Variants in MARCHF1 observed in about 807,000 individuals in gnomAD.
MARCHF1 encodes E3 ubiquitin-protein ligase MARCHF1.
A neutral mutation model predicts 54.2 loss-of-function variants in MARCHF1; 40 were observed. The observed-to-expected ratio is 0.74, with a 90% CI of 0.57 to 0.96. The LOEUF (loss-of-function observed/expected upper bound fraction) is 0.96. MARCHF1 is among the 40% of genes least tolerant of loss of function. MARCHF1 has a pLI of 0.00. For missense variants in MARCHF1, 586 were observed against 656.5 expected, an observed-to-expected ratio of 0.89 and a Z score of 1.17; for synonymous variants, 236 against 236.3, an observed-to-expected ratio of 1.00 and a Z score of 0.01.
chr4:164,214,686 C>T (rs1429600819), intron 1 of MARCHF1, among the ~76,000 whole-genome samples: 2 of 152,140 alleles, frequency 1.3e-5, no homozygotes, highest in Admixed American at 6.5e-5. Flanking sequence ...GGTCAAGGGT[C>T]TTTGGTAAGC....
chr4:163,532,903 A>G (rs146143571), intron 9 of MARCHF1, among the ~76,000 whole-genome samples: 115 of 152,116 alleles, frequency 7.6e-4, no homozygotes, highest in African/African-American at 2.5e-3. Flanking sequence ...AGGAATTCTC[A>G]TTCATTGCTG....
intron 4 of MARCHF1, among the ~76,000 whole-genome samples, chr4:163,833,458 A>C (rs1397954355): frequency 6.6e-6 from 1 of 152,144 alleles, no homozygotes; most frequent in African/African-American, 2.4e-5. Flanking sequence ...AAATTTTTGC[A>C]ACCTACTCAT....
rs3059788 is a variant in MARCHF1, at chr4:164,176,970, C to CCATATATA, written c.-322-65309_-322-65308insTATATATG. Among the ~76,000 whole-genome samples, 17 of 57,428 alleles carry CCATATATA rather than the reference C, an allele frequency of 3.0e-4. 1 individual carries two copies. The highest frequency in any genetic ancestry group is 7.3e-4 in the South Asian group (1 of 1,366). 37.7% of individuals were successfully genotyped at this position (57,428 alleles called of 152,430 possible). ...TCTCTCTCTCTCTCTCTCTCTCTCT[C>CCATATATA]TCTCTCTCTCTATATATATATATAT... On this transcript the variant is annotated intron_variant, in intron 1 of 9. Transcript: ENST00000514618.
At chr4:163,662,591 ATCTC>A (rs1275590514) in intron 5 of MARCHF1, among the ~76,000 whole-genome samples, 1 of 151,814 alleles carries the variant, frequency 6.6e-6, no homozygotes, top group Non-Finnish European at 1.5e-5. Context: ...GTCTGTTACC[ATCTC>A]TCTCTGTCTC....
intron 1 of MARCHF1, among the ~76,000 whole-genome samples, chr4:164,356,975 G>T (rs1479704911): frequency 6.6e-6 from 1 of 151,740 alleles, no homozygotes; most frequent in African/African-American, 2.4e-5. Flanking sequence ...TGGGTGGAGG[G>T]TAGGAGGCAG....
At chr4:163,995,881 G>A (rs914482986) in intron 2 of MARCHF1, among the ~76,000 whole-genome samples, 3 of 151,984 alleles carry the variant, frequency 2.0e-5, no homozygotes, top group Non-Finnish European at 4.4e-5. Flanking sequence ...TATTTGATGA[G>A]TATAAAGCAT....
At chr4:163,879,374 G>A (rs1385848584) in intron 3 of MARCHF1, among the ~76,000 whole-genome samples, 1 of 151,992 alleles carries the variant, frequency 6.6e-6, no homozygotes, top group Admixed American at 6.6e-5. Flanking sequence ...CAGCTTTCAT[G>A]GCAAAATTAC....
chr4:164,337,015 GA>G (rs1561007530), intron 1 of MARCHF1, among the ~76,000 whole-genome samples: 1 of 151,998 alleles, frequency 6.6e-6, no homozygotes, highest in African/African-American at 2.4e-5. Context: ...GAAGGAGGGA[GA>G]GGGGAAAGGA....
chr4:164,039,822 T>C (rs1207471362), intron 2 of MARCHF1, among the ~76,000 whole-genome samples: 1 of 151,818 alleles, frequency 6.6e-6, no homozygotes, highest in Non-Finnish European at 1.5e-5. Flanking sequence ...CTGGGGATCA[T>C]TTGAATAGGT....
intron 4 of MARCHF1, among the ~76,000 whole-genome samples, chr4:163,759,934 ATG>A (rs749800171): frequency 6.6e-6 from 1 of 152,172 alleles, no homozygotes; most frequent in Non-Finnish European, 1.5e-5. Flanking sequence ...TTCTGATATC[ATG>A]TGTATTAGGT....
chr4:163,745,115 CT>C (rs537922396), intron 4 of MARCHF1, among the ~76,000 whole-genome samples: 4,179 of 139,298 alleles, frequency 0.03, 85 homozygotes, highest in African/African-American at 0.067. Flanking sequence ...TTCTTTCTTT[CT>C]TTTTTTTTTT....
intron 9 of MARCHF1, among the ~76,000 whole-genome samples, chr4:163,537,759 C>T (rs998880104): frequency 1.3e-5 from 2 of 152,212 alleles, no homozygotes; most frequent in African/African-American, 2.4e-5. Context: ...TGTAGTCTCT[C>T]ATATTAACTT....
intron 1 of MARCHF1, among the ~76,000 whole-genome samples, chr4:164,322,836 A>G (rs903104131): frequency 6.6e-6 from 1 of 152,046 alleles, no homozygotes; most frequent in African/African-American, 2.4e-5. Context: ...AAGTTTACCT[A>G]CACAGGTAAA....
intron 4 of MARCHF1, among the ~76,000 whole-genome samples, chr4:163,716,833 TTTG>T (rs1745273712): frequency 6.6e-6 from 1 of 152,220 alleles, no homozygotes; most frequent in Admixed American, 6.5e-5. Flanking sequence ...AGAGATTTTC[TTTG>T]TTGTTATTCC....
chr4:163,539,433 G>A (rs1305939898), intron 9 of MARCHF1, among the ~76,000 whole-genome samples: 3 of 152,192 alleles, frequency 2.0e-5, no homozygotes, highest in African/African-American at 2.4e-5. Flanking sequence ...TTAACGGTGC[G>A]TGACACATAG....
intron 4 of MARCHF1, among the ~76,000 whole-genome samples, chr4:163,805,782 A>G (rs1280431997): frequency 3.5e-5 from 5 of 142,548 alleles, no homozygotes; most frequent in East Asian, 4.2e-4. Flanking sequence ...ATTATGATCA[A>G]TGCTGTGGAT....
chr4:163,886,097 C>A (rs1455508745), intron 3 of MARCHF1, among the ~76,000 whole-genome samples: 1 of 147,598 alleles, frequency 6.8e-6, no homozygotes, highest in African/African-American at 2.5e-5. Context: ...AATGTATATA[C>A]TAAATTGAAG....
intron 2 of MARCHF1, among the ~76,000 whole-genome samples, chr4:163,993,583 A>G (rs1753008220): frequency 6.6e-6 from 1 of 152,154 alleles, no homozygotes; most frequent in Admixed American, 6.6e-5. Flanking sequence ...TGGAGAATCA[A>G]TAGCAGTCAC....
chr4:163,699,542 A>ACGAAAACAGAAGAGAAGAAAT (rs1744740534), intron 5 of MARCHF1, among the ~76,000 whole-genome samples: 1 of 152,184 alleles, frequency 6.6e-6, no homozygotes, highest in Non-Finnish European at 1.5e-5. Flanking sequence ...AGAGAAGAAA[A>ACGAAAACAGAAGAGAAGAAAT]CAAAAACGTC....
Sources: allele counts gnomAD v4.1 joint callset (sites outside exome capture counted in the v4.1 genomes callset), GRCh38; gene constraint gnomAD v4.1.1; transcripts MANE v1.5; gene names NCBI Gene and HGNC (gene_info 2026-07-23, HGNC 2026-07-21).